NPTN: variants seen among roughly 807,000 people sequenced by gnomAD.
The protein encoded by NPTN is SDR-1.
Under a neutral mutation model 42.7 loss-of-function variants are expected in NPTN, and 5 were observed. The ratio of observed to expected loss-of-function variants is 0.12; its 90% CI spans 0.06 to 0.25. The LOEUF (loss-of-function observed/expected upper bound fraction) is 0.25, where lower values mean the gene tolerates loss of function less well. Ranked by LOEUF, NPTN falls within the 10% of genes least tolerant of loss-of-function variation. NPTN has a pLI of 1.00. For synonymous variants in NPTN, 180 were observed against 201.9 expected (o/e 0.89, Z 0.92); for missense variants, 307 against 525.4 (o/e 0.58, Z 4.06).
At chr15:73,608,306 AT>A (rs970914525) in intron 1 of NPTN, among the ~76,000 whole-genome samples, 1 of 152,240 alleles carries the variant, frequency 6.6e-6, no homozygotes, top group African/African-American at 2.4e-5. Context: ...CAGCACTTCT[AT>A]GACAGGTATG....
intron 1 of NPTN, among the ~76,000 whole-genome samples, chr15:73,616,710 G>A (rs190171563): frequency 2.0e-5 from 3 of 152,244 alleles, no homozygotes; most frequent in Admixed American, 2.0e-4. Context: ...TTTCACCTCT[G>A]CAGTGAGGTA....
At chr15:73,620,817 T>C (rs577542669) in intron 1 of NPTN, among the ~76,000 whole-genome samples, 2 of 152,348 alleles carry the variant, frequency 1.3e-5, no homozygotes, top group Admixed American at 1.3e-4. Context: ...CAATTCACCA[T>C]TACAGCACAA....
At chr15:73,568,275 G>A in intron 6 of NPTN, 3 of 985,464 alleles carry the variant, frequency 3.0e-6, no homozygotes, top group Non-Finnish European at 3.6e-6. Flanking sequence ...CTAGGCTGCT[G>A]CATCACTCTC....
chr15:73,561,380 GAC>G (rs1260258272), intron 8 of NPTN, among the ~76,000 whole-genome samples: 2 of 152,122 alleles, frequency 1.3e-5, no homozygotes, highest in Admixed American at 6.5e-5. Flanking sequence ...ATAAACATGT[GAC>G]ACAATGCACC....
intron 8 of NPTN, among the ~76,000 whole-genome samples, chr15:73,561,406 C>T (rs1319543924): frequency 1.3e-5 from 2 of 152,216 alleles, no homozygotes; most frequent in African/African-American, 4.8e-5. Context: ...TGGCGGGGCA[C>T]ACTGGCTCAT....
chr15:73,617,592 C>T (rs1897922036), intron 1 of NPTN, among the ~76,000 whole-genome samples: 1 of 152,162 alleles, frequency 6.6e-6, no homozygotes, highest in African/African-American at 2.4e-5. Flanking sequence ...CTGGGCCTGT[C>T]AAGTTTTTCC....
chr15:73,596,167 T>C (rs548848292), intron 2 of NPTN, among the ~76,000 whole-genome samples: 1 of 152,304 alleles, frequency 6.6e-6, no homozygotes, highest in African/African-American at 2.4e-5. Context: ...AATAATAATT[T>C]GCAGCTTAGT....
intron 2 of NPTN, among the ~76,000 whole-genome samples, chr15:73,594,109 C>T (rs1896723420): frequency 6.6e-6 from 1 of 152,128 alleles, no homozygotes; most frequent in South Asian, 2.1e-4. Context: ...AATATAAAGG[C>T]AACATTAAAA....
chr15:73,588,601 C>T (rs1309087594), intron 3 of NPTN, among the ~76,000 whole-genome samples: 3 of 152,196 alleles, frequency 2.0e-5, no homozygotes, highest in Admixed American at 6.5e-5. Flanking sequence ...ATGCACCAAG[C>T]TTGTTCGCAC....
chr15:73,595,113 C>T (rs1896773458), intron 2 of NPTN, among the ~76,000 whole-genome samples: 1 of 152,070 alleles, frequency 6.6e-6, no homozygotes, highest in Non-Finnish European at 1.5e-5. Context: ...CTGGGGAATG[C>T]TATGTATTCT....
At chr15:73,584,355 A>G (rs907686212) in intron 4 of NPTN, among the ~76,000 whole-genome samples, 2 of 152,148 alleles carry the variant, frequency 1.3e-5, no homozygotes, top group African/African-American at 2.4e-5. Context: ...TGTAAATGAT[A>G]CCGGGATTTT....
chr15:73,575,673 T>C (rs1367741189), intron 4 of NPTN, among the ~76,000 whole-genome samples: 1 of 152,190 alleles, frequency 6.6e-6, no homozygotes, highest in African/African-American at 2.4e-5. Flanking sequence ...ACTATTGCAT[T>C]GGGGCTAATC....
chr15:73,576,324 AAAG>A (rs1895694616), intron 4 of NPTN, among the ~76,000 whole-genome samples: 1 of 152,168 alleles, frequency 6.6e-6, no homozygotes, highest in Non-Finnish European at 1.5e-5. Flanking sequence ...TGTGGTAAGT[AAAG>A]AATGTATTTT....
At chr15:73,630,378 T>C (rs1391483415) in intron 1 of NPTN, among the ~76,000 whole-genome samples, 1 of 152,244 alleles carries the variant, frequency 6.6e-6, no homozygotes, top group South Asian at 2.1e-4. Flanking sequence ...GAATGTCTTA[T>C]AAGGTTACTT....
chr15:73,579,646 T>G (rs754653859), intron 4 of NPTN, among the ~76,000 whole-genome samples: 4 of 152,122 alleles, frequency 2.6e-5, no homozygotes, highest in Non-Finnish European at 5.9e-5. Flanking sequence ...CAGTCTTCAC[T>G]CCTGCCTTGG....
intron 5 of NPTN, 91 bp downstream of exon 5, chr15:73,573,571 G>T: frequency 7.2e-7 from 1 of 1,390,558 alleles, no homozygotes; most frequent in Non-Finnish European, 9.6e-7. Flanking sequence ...ACACATCCGA[G>T]GATACAGCTA....
intron 1 of NPTN, among the ~76,000 whole-genome samples, chr15:73,601,185 G>A (rs1181787842): frequency 6.6e-6 from 1 of 152,100 alleles, no homozygotes; most frequent in East Asian, 1.9e-4. Flanking sequence ...AGTGGGGCTG[G>A]GACTAGAATG....
intron 4 of NPTN, among the ~76,000 whole-genome samples, chr15:73,582,960 G>A (rs759759442): frequency 1.2e-4 from 19 of 152,156 alleles, no homozygotes; most frequent in East Asian, 1.9e-4. Context: ...CTCCTCAAGC[G>A]TGCAGGCAGC....
intron 5 of NPTN, among the ~76,000 whole-genome samples, chr15:73,572,083 G>A (rs1227498880): frequency 6.6e-6 from 1 of 152,080 alleles, no homozygotes; most frequent in African/African-American, 2.4e-5. Flanking sequence ...CCTGCTCCTC[G>A]TTAACGGGTC....
Sources: gnomAD v4.1 joint callset for allele counts (sites outside exome capture counted in the v4.1 genomes callset) on GRCh38, gnomAD v4.1.1 for gene constraint, MANE v1.5 for transcripts, NCBI Gene and HGNC (gene_info 2026-07-23, HGNC 2026-07-21) for gene names.